The following ST3GAL3 variants were observed in gnomAD, a reference collection of about 807,000 sequenced individuals.
The protein encoded by ST3GAL3 is CMP-N-acetylneuraminate-beta-1,4-galactoside alpha-2,3-sialyltransferase.
ST3GAL3 carries 21 observed loss-of-function variants against 50.1 expected under a neutral mutation model. That is an observed-to-expected ratio of 0.42 (90% CI 0.30 to 0.60). The LOEUF is 0.60. Among genes scored for constraint, ST3GAL3 ranks in the 20% least tolerant of loss-of-function variants. The pLI is 0.19. For missense variants in ST3GAL3, 353 were observed against 489.4 expected, an observed-to-expected ratio of 0.72 and a Z score of 2.63; for synonymous variants, 183 against 190.0, an observed-to-expected ratio of 0.96 and a Z score of 0.30.
At chr1:43,710,653 T>A (rs1488097897) in intron 1 of ST3GAL3, among the ~76,000 whole-genome samples, 1 of 152,268 alleles carries the variant, frequency 6.6e-6, no homozygotes, top group Non-Finnish European at 1.5e-5. Flanking sequence ...TGGAACTATT[T>A]GCTCTTTGTG....
chr1:43,904,892 TTCC>T (rs2154276964), intron 9 of ST3GAL3, among the ~76,000 whole-genome samples: 1 of 134,312 alleles, frequency 7.4e-6, no homozygotes, highest in African/African-American at 2.8e-5. Flanking sequence ...CCCGCCACTC[TTCC>T]TCCCCCTCCT....
At chr1:43,849,121 T>C (rs1048418632) in intron 5 of ST3GAL3, among the ~76,000 whole-genome samples, 1 of 152,188 alleles carries the variant, frequency 6.6e-6, no homozygotes, top group African/African-American at 2.4e-5. Flanking sequence ...ACATAGTAGT[T>C]GATGATGGTG....
At chr1:43,894,113 T>C (rs2154266778) in intron 5 of ST3GAL3, 1 of 481,860 alleles carries the variant, frequency 2.1e-6, no homozygotes, top group East Asian at 4.0e-5. Context: ...TCTGAGAAAT[T>C]GATCCTTGCT....
Position 43,837,654 on chromosome 1 carries a change from G to A in ST3GAL3, c.210-565G>A, listed in dbSNP as rs115848905. Reference sequence around the variant, plus strand: ...CCTTGATAGAGCTCCTCGTTTCCTTGGTTTCAGGCTTCCTGCAAAGAATTA... The same window carrying A: ...CCTTGATAGAGCTCCTCGTTTCCTTAGTTTCAGGCTTCCTGCAAAGAATTA... On this transcript the variant is annotated intron_variant, in intron 4 of 11. Transcript: ENST00000347631. Among the ~76,000 whole-genome samples the A allele has an allele frequency of 2.5e-3, 380 of 152,248 alleles. 2 individuals carry two copies. Among genetic ancestry groups the A allele is most frequent in the African/African-American group, 8.8e-3 (366 of 41,556 alleles).
chr1:43,906,168 C>T (rs1025569827), intron 9 of ST3GAL3, among the ~76,000 whole-genome samples: 9 of 96,950 alleles, frequency 9.3e-5, no homozygotes, highest in South Asian at 4.4e-4. Context: ...CTCCTGTTCC[C>T]CTTCCTGCCA....
At chr1:43,727,885 A>T (rs1408314598) in intron 1 of ST3GAL3, among the ~76,000 whole-genome samples, 3 of 151,772 alleles carry the variant, frequency 2.0e-5, no homozygotes, top group Non-Finnish European at 1.5e-5. Context: ...TTCAACTTTT[A>T]TTTTCAATTC....
chr1:43,929,650 G>T lies in ST3GAL3; in HGVS notation c.1039-482G>T, dbSNP rs984195360. 6.4e-4 allele frequency among the ~76,000 whole-genome samples: 97 copies of T among 152,196 alleles called. 1 individual carries two copies. Among genetic ancestry groups the T allele is most frequent in the Non-Finnish European group, 1.8e-4 (12 of 68,034 alleles). ...TTGCCATCTCTCCGCAGGCCCCATAGCTCCTCTGATCTGGGAGGCAGGATT... is the reference window on the plus strand; with the variant it reads ...TTGCCATCTCTCCGCAGGCCCCATATCTCCTCTGATCTGGGAGGCAGGATT... On this transcript the variant is annotated intron_variant, in intron 11 of 11. Coordinates refer to ENST00000347631, the MANE Select transcript of ST3GAL3 (RefSeq NM_006279.5).
chr1:43,928,965 A>G (rs1268839428), intron 11 of ST3GAL3, among the ~76,000 whole-genome samples: 1 of 152,182 alleles, frequency 6.6e-6, no homozygotes, highest in African/African-American at 2.4e-5. Flanking sequence ...AATGCTGACA[A>G]ACGCAACAGA....
chr1:43,916,479 T>C (rs983469528), intron 9 of ST3GAL3: 8 of 152,232 alleles, frequency 5.3e-5, no homozygotes, highest in Admixed American at 4.6e-4. Flanking sequence ...GGATGGACAG[T>C]AGAGGATAGG....
At chr1:43,795,130 A>G (rs979355769) in intron 3 of ST3GAL3, among the ~76,000 whole-genome samples, 3 of 152,232 alleles carry the variant, frequency 2.0e-5, no homozygotes, top group Non-Finnish European at 4.4e-5. Flanking sequence ...TAAAACCTCA[A>G]TGTACAGCTA....
chr1:43,926,452 G>T (rs1433283601), intron 11 of ST3GAL3, among the ~76,000 whole-genome samples: 1 of 152,168 alleles, frequency 6.6e-6, no homozygotes, highest in African/African-American at 2.4e-5. Flanking sequence ...AGCCAGGTGT[G>T]GTGGCGCATG....
intron 2 of ST3GAL3, among the ~76,000 whole-genome samples, chr1:43,765,820 C>CT (rs1369151971): frequency 6.2e-4 from 92 of 149,222 alleles, no homozygotes; most frequent in African/African-American, 2.2e-3. Context: ...TCCGCGTGCG[C>CT]TTTTTTTTTA....
intron 5 of ST3GAL3, among the ~76,000 whole-genome samples, chr1:43,862,508 C>T (rs373251771): frequency 4.6e-5 from 7 of 152,142 alleles, no homozygotes; most frequent in African/African-American, 4.8e-5. Context: ...GAAATGGAAG[C>T]GGCGGGTCCT....
intron 3 of ST3GAL3, 126 bp downstream of exon 3, chr1:43,792,275 A>C: frequency 1.0e-4 from 127 of 1,230,804 alleles, no homozygotes; most frequent in Non-Finnish European, 1.3e-4. Context: ...GGGAAGTCTC[A>C]AGAAGCCTTT....
intron 2 of ST3GAL3, among the ~76,000 whole-genome samples, chr1:43,764,043 C>T (rs191808896): frequency 6.6e-6 from 1 of 151,904 alleles, no homozygotes; most frequent in East Asian, 1.9e-4. Flanking sequence ...GTGTAGAGCT[C>T]TTAGCACTGT....
chr1:43,772,318 G>C, intron 2 of ST3GAL3: 1 of 307,970 alleles, frequency 3.2e-6, no homozygotes, highest in Non-Finnish European at 5.9e-6. Flanking sequence ...AAAGTGCTGG[G>C]ATTACAGGCA....
At chr1:43,713,029 G>A (rs1236623649) in intron 1 of ST3GAL3, among the ~76,000 whole-genome samples, 1 of 152,216 alleles carries the variant, frequency 6.6e-6, no homozygotes, top group Non-Finnish European at 1.5e-5. Flanking sequence ...ATAGTGAATA[G>A]CTATTTCCCT....
intron 11 of ST3GAL3, among the ~76,000 whole-genome samples, chr1:43,927,102 G>A (rs1465852085): frequency 1.3e-5 from 2 of 152,224 alleles, no homozygotes; most frequent in African/African-American, 2.4e-5. Context: ...GGCCGATGCA[G>A]GTGGATCACC....
intron 9 of ST3GAL3, chr1:43,911,146 T>A (rs1443271293): frequency 1.3e-3 from 1 of 798 alleles, no homozygotes; most frequent in Non-Finnish European, 0.25. Context: ...CACAGACTTC[T>A]TTTTTTTTTT....
Sources: gnomAD v4.1 joint callset for allele counts (sites outside exome capture counted in the v4.1 genomes callset) on GRCh38, gnomAD v4.1.1 for gene constraint, MANE v1.5 for transcripts, NCBI Gene and HGNC (gene_info 2026-07-23, HGNC 2026-07-21) for gene names.